ZNF831: variants seen among roughly 807,000 people sequenced by gnomAD.
ZNF831 encodes the protein zinc finger protein 831, also known as chromosome 20 open reading frame 174.
A neutral mutation model predicts 95.8 loss-of-function variants in ZNF831; 59 were observed. The observed-to-expected ratio is 0.62, with a 90% CI of 0.50 to 0.77. ZNF831 has a LOEUF of 0.77. Among genes scored for constraint, ZNF831 ranks in the 30% least tolerant of loss-of-function variants. ZNF831 has a pLI of 0.00. For missense variants in ZNF831, 2,205 were observed against 2,164.0 expected, an observed-to-expected ratio of 1.02 and a Z score of -0.38; for synonymous variants, 961 against 925.5, an observed-to-expected ratio of 1.04 and a Z score of -0.70.
intron 2 of ZNF831, among the ~76,000 whole-genome samples, chr20:59,151,744 C>G (rs535790802): frequency 2.0e-5 from 3 of 152,338 alleles, no homozygotes; most frequent in Admixed American, 6.5e-5. Flanking sequence ...TATTTGCGCT[C>G]TTAGAGTTAG....
In ZNF831 at chr20:59,151,416, G is replaced by A. The variant is rs964664520; in HGVS notation, c.-1281+5042G>A. Among the ~76,000 whole-genome samples, 85 of 152,318 alleles carry A rather than the reference G, an allele frequency of 5.6e-4. 1 individual carries two copies. Among genetic ancestry groups the A allele is most frequent in the Admixed American group, 3.9e-4 (6 of 15,308 alleles). On this transcript the variant is annotated intron_variant, in intron 2 of 7. Transcript: ENST00000637017. Reference sequence around the variant, plus strand: ...TAACCACAGTGATGCTACTGTGAGCGTTGACCAGGTGTTTATGATACACCC... The same window carrying A: ...TAACCACAGTGATGCTACTGTGAGCATTGACCAGGTGTTTATGATACACCC...
rs74568917 is a variant in ZNF831, at chr20:59,181,986, A to G, written c.-36-8998A>G. ...CTCCTTGAAGAGGTCCTTTATGCCA[A>G]TCTTATTCTGCATGCCAGCCCAGGC... On this transcript the variant is annotated intron_variant, in intron 1 of 5. Transcript: ENST00000371030. 5.2e-3 allele frequency among the ~76,000 whole-genome samples: 789 copies of G among 152,168 alleles called. 8 individuals carry two copies. The highest frequency in any genetic ancestry group is 0.018 in the African/African-American group (764 of 41,500).
intron 1 of ZNF831, among the ~76,000 whole-genome samples, chr20:59,177,215 A>G (rs1336058609): frequency 6.6e-6 from 1 of 152,266 alleles, no homozygotes; most frequent in African/African-American, 2.4e-5. Context: ...CATTTAATTA[A>G]GCATGGCATC....
intron 2 of ZNF831, among the ~76,000 whole-genome samples, chr20:59,150,574 C>T (rs1980171394): frequency 6.6e-6 from 1 of 152,156 alleles, no homozygotes; most frequent in African/African-American, 2.4e-5. Flanking sequence ...GCATAGGGGA[C>T]CCACCGTATG....
intron 4 of ZNF831, among the ~76,000 whole-genome samples, chr20:59,209,866 T>C (rs1285888025): frequency 6.6e-6 from 1 of 152,198 alleles, no homozygotes; most frequent in Non-Finnish European, 1.5e-5. Flanking sequence ...GTGGGTCATA[T>C]CTTCTTCTGT....
chr20:59,135,484 C>T (rs1204369378), intron 1 of ZNF831, among the ~76,000 whole-genome samples: 1 of 152,150 alleles, frequency 6.6e-6, no homozygotes, highest in Non-Finnish European at 1.5e-5. Context: ...GTAATCCCAG[C>T]ACTTTGGGAG....
At chr20:59,133,682 T>C (rs1334129058) in intron 1 of ZNF831, among the ~76,000 whole-genome samples, 1 of 152,124 alleles carries the variant, frequency 6.6e-6, no homozygotes, top group Non-Finnish European at 1.5e-5. Context: ...AAGAAGCACA[T>C]GCTGGAGTCC....
At chr20:59,233,385 G>GA (rs1422105367) in intron 4 of ZNF831, among the ~76,000 whole-genome samples, 1 of 152,068 alleles carries the variant, frequency 6.6e-6, no homozygotes, top group Non-Finnish European at 1.5e-5. Context: ...TGTGGTGGGG[G>GA]AAAAAATCTG....
In ZNF831 at chr20:59,192,868, CAGG is replaced by C. The variant is rs1393983115; in HGVS notation, c.1852_1854del (p.Glu618del). 6.2e-7 allele frequency: 1 copy of C among 1,600,856 alleles called. No individual in the cohort carries two copies. The highest frequency in any genetic ancestry group is 8.5e-7 in the Non-Finnish European group (1 of 1,173,656). On this transcript the variant is annotated inframe_deletion, in exon 2 of 6. Transcript: ENST00000371030. The surrounding 1 kb of genome is among the most constrained non-coding windows in gnomAD (Gnocchi z 5.2). ...CCAGAGAAGGCTGAAGATGTTCTCC[CAGG>C]AGAAGTGGCAGGTGTACGGGGATGA...
chr20:59,129,842 C>T (rs949975791), intron 1 of ZNF831, among the ~76,000 whole-genome samples: 22 of 152,336 alleles, frequency 1.4e-4, no homozygotes, highest in African/African-American at 5.1e-4. Context: ...CCTGAGATTC[C>T]TGTATGTTAT....
At position 59,191,547 on chromosome 20, in the gene ZNF831, C is replaced by T; in HGVS notation, c.528C>T (p.Thr176=). ...GTGAGAGGCCCTTCCCGTGTGCCACCTGCGGCATCGCCTTTAAGACCCAGA... is the reference window on the plus strand; with the variant it reads ...GTGAGAGGCCCTTCCCGTGTGCCACTTGCGGCATCGCCTTTAAGACCCAGA... ...HTGERPFPCA[T]CGIAFKTQSN... is the part of the protein sequence containing the mutation. Residue 176 remains threonine (T), a synonymous_variant, in exon 2 of 6, where the codon ACC becomes ACT. Transcript: ENST00000371030. The T allele has an allele frequency of 6.2e-7, 1 of 1,613,072 alleles. No homozygotes were observed. Among genetic ancestry groups the T allele is most frequent in the Non-Finnish European group, 8.5e-7 (1 of 1,179,948 alleles).
intron 4 of ZNF831, among the ~76,000 whole-genome samples, chr20:59,245,377 G>A (rs973037141): frequency 6.6e-6 from 1 of 152,216 alleles, no homozygotes; most frequent in Admixed American, 6.5e-5. Context: ...AGCCGCCCCT[G>A]GGGCCTGGGC....
chr20:59,198,672 C>T (rs1237677342), intron 3 of ZNF831, among the ~76,000 whole-genome samples: 2 of 152,226 alleles, frequency 1.3e-5, no homozygotes, highest in African/African-American at 4.8e-5. Context: ...TGAACAAGGA[C>T]TTAGAGCTCT....
chr20:59,149,904 G>A (rs1456793617), intron 2 of ZNF831, among the ~76,000 whole-genome samples: 1 of 152,246 alleles, frequency 6.6e-6, no homozygotes, highest in Non-Finnish European at 1.5e-5. Context: ...ACAGGGCTAA[G>A]GCTCTCCAGG....
upstream of ZNF831, among the ~76,000 whole-genome samples, chr20:59,162,244 A>G (rs1980918797): frequency 6.6e-6 from 1 of 152,128 alleles, no homozygotes; most frequent in Admixed American, 6.5e-5. Context: ...CTACATAGAA[A>G]CACTTTGGTT....
intron 4 of ZNF831, among the ~76,000 whole-genome samples, chr20:59,224,416 T>C (rs1986304822): frequency 1.3e-5 from 2 of 152,140 alleles, no homozygotes; most frequent in Non-Finnish European, 2.9e-5. Flanking sequence ...TTCTGCCTCG[T>C]CCCATCCCAG....
At chr20:59,137,301 A>G (rs1015920858) in intron 1 of ZNF831, among the ~76,000 whole-genome samples, 4 of 150,648 alleles carry the variant, frequency 2.7e-5, no homozygotes, top group African/African-American at 9.8e-5. Context: ...TTTGTGATCA[A>G]TGAAGCGCTG....
At chr20:59,224,075 C>A (rs933188049) in intron 4 of ZNF831, among the ~76,000 whole-genome samples, 7 of 152,226 alleles carry the variant, frequency 4.6e-5, no homozygotes, top group Non-Finnish European at 1.0e-4. Flanking sequence ...CTTTTCCGTT[C>A]CCCCTGGGAG....
intron 4 of ZNF831, among the ~76,000 whole-genome samples, chr20:59,234,932 G>T (rs1263941285): frequency 6.6e-6 from 1 of 152,016 alleles, no homozygotes; most frequent in Non-Finnish European, 1.5e-5. Context: ...ACCCATTATT[G>T]TTACCTAAAT....
Sources: allele counts gnomAD v4.1 joint callset (sites outside exome capture counted in the v4.1 genomes callset), GRCh38; gene constraint gnomAD v4.1.1; non-coding constraint Gnocchi (gnomAD v3.1); transcripts MANE v1.5; gene names NCBI Gene and HGNC (gene_info 2026-07-23, HGNC 2026-07-21).